The following THAP4 variants were observed in gnomAD, a reference collection of about 807,000 sequenced individuals.
THAP4 encodes the protein peroxynitrite isomerase THAP4.
Under a neutral mutation model 48.1 loss-of-function variants are expected in THAP4, and 18 were observed. That is an observed-to-expected ratio of 0.37 (90% CI 0.26 to 0.56). THAP4 has a LOEUF of 0.56. Ranked by LOEUF, THAP4 falls within the 20% of genes least tolerant of loss-of-function variation. The pLI is 0.78. For synonymous variants in THAP4, 345 were observed against 324.9 expected, an observed-to-expected ratio of 1.06 and a Z score of -0.66; for missense variants, 656 against 774.9, an observed-to-expected ratio of 0.85 and a Z score of 1.82.
chr2:241,596,973 T>C (rs929891263), intron 5 of THAP4, among the ~76,000 whole-genome samples: 2 of 152,228 alleles, frequency 1.3e-5, no homozygotes, highest in Non-Finnish European at 2.9e-5. Context: ...ACAGTACAGT[T>C]AGGCTGCATT....
chr2:241,634,363 A>G (rs146765290), intron 1 of THAP4, among the ~76,000 whole-genome samples: 60 of 152,320 alleles, frequency 3.9e-4, no homozygotes, highest in African/African-American at 1.2e-3. Context: ...TAAATGCCCA[A>G]TGGGGACACA....
At chr2:241,608,986 G>A (rs2067226353) in intron 2 of THAP4, among the ~76,000 whole-genome samples, 1 of 152,218 alleles carries the variant, frequency 6.6e-6, no homozygotes. Flanking sequence ...GGCCAGTGTG[G>A]CCAGGGGAAG....
chr2:241,600,509 C>T (rs1445765207), intron 5 of THAP4, among the ~76,000 whole-genome samples: 1 of 152,086 alleles, frequency 6.6e-6, no homozygotes, highest in Non-Finnish European at 1.5e-5. Context: ...AGGTGGATCA[C>T]AAGGTCAGGA....
At chr2:241,590,414 C>T (rs113223387) in intron 5 of THAP4, among the ~76,000 whole-genome samples, 1 of 7,266 alleles carries the variant, frequency 1.4e-4, no homozygotes, top group Non-Finnish European at 3.5e-4. Flanking sequence ...AGCTGCTCGG[C>T]TGATGATAAT....
At chr2:241,586,813 A>G (rs1025953601) in intron 5 of THAP4, among the ~76,000 whole-genome samples, 3 of 152,264 alleles carry the variant, frequency 2.0e-5, no homozygotes, top group Non-Finnish European at 4.4e-5. Flanking sequence ...AAGCTTAGAG[A>G]ATAATGGAAA....
rs1199731096 is a variant in THAP4 at position 241,632,994 on chromosome 2, C to T, written c.1163G>A (p.Arg388Gln). 9.9e-6 allele frequency: 16 copies of T among 1,613,528 alleles called. No homozygotes were observed. The highest frequency in any genetic ancestry group is 1.4e-5 in the Non-Finnish European group (16 of 1,179,908). Residue 388 changes from arginine (R) to glutamine (Q), a missense_variant, in exon 2 of 6, where the codon CGG becomes CAG. Coordinates refer to ENST00000407315, the MANE Select transcript of THAP4 (RefSeq NM_015963.6). ...CTCATCCAGCTTCTCCTGTAGCTTC[C>T]GCACCTGGCTGTCGGAGCGGCTGAC... ...QRVSRSDSQV[R>Q]KLQEKLDELR...
At chr2:241,590,007 G>A (rs1012637151) in intron 5 of THAP4, among the ~76,000 whole-genome samples, 1 of 151,842 alleles carries the variant, frequency 6.6e-6, no homozygotes, top group Non-Finnish European at 1.5e-5. Context: ...TGGGCACTAG[G>A]ACACTCAGAG....
intron 3 of THAP4, among the ~76,000 whole-genome samples, chr2:241,603,779 T>C (rs752944541): frequency 1.1e-4 from 17 of 152,194 alleles, no homozygotes; most frequent in Non-Finnish European, 2.1e-4. Context: ...TGGTTTCTTA[T>C]CACCCTTCAT....
intron 2 of THAP4, among the ~76,000 whole-genome samples, chr2:241,609,868 G>T (rs968845947): frequency 2.6e-5 from 4 of 152,204 alleles, no homozygotes; most frequent in African/African-American, 9.6e-5. Context: ...ACCCCACAGC[G>T]ACTGCCACGG....
chr2:241,631,809 G>A (rs148523822), intron 2 of THAP4, among the ~76,000 whole-genome samples: 2 of 152,064 alleles, frequency 1.3e-5, no homozygotes, highest in African/African-American at 4.8e-5. Flanking sequence ...AACTTGGGAG[G>A]TGGATGACAA....
At chr2:241,590,418 T>C (rs62192977) in intron 5 of THAP4, among the ~76,000 whole-genome samples, 127 of 50,850 alleles carry the variant, frequency 2.5e-3, no homozygotes, top group East Asian at 0.012. Flanking sequence ...GCTCGGCTGA[T>C]GATAATGGGC....
At chr2:241,625,693 G>A (rs2067487411) in intron 2 of THAP4, among the ~76,000 whole-genome samples, 2 of 149,898 alleles carry the variant, frequency 1.3e-5, no homozygotes, top group South Asian at 4.2e-4. Flanking sequence ...AGCTACTAGG[G>A]AGGCTGAGGC....
intron 2 of THAP4, among the ~76,000 whole-genome samples, chr2:241,625,713 G>T (rs576182922): frequency 1.7e-4 from 24 of 137,484 alleles, no homozygotes; most frequent in African/African-American, 6.5e-4. Flanking sequence ...CAGGAGAATT[G>T]CTTGAACCCG....
rs144298017 is a variant in THAP4 at position 241,587,109 on chromosome 2, G to A, written c.1615-2384C>T. ...TAGGTGTCAAAGGTCAAAGGTGACC[G>A]ATTAAGGAACACCTAGAAACCCGGT... On this transcript the variant is annotated intron_variant, in intron 5 of 5. Coordinates refer to ENST00000407315, the MANE Select transcript of THAP4 (RefSeq NM_015963.6). Among the ~76,000 whole-genome samples, 154 of 152,282 alleles carry A rather than the reference G, an allele frequency of 1.0e-3. No homozygotes were observed. In the Middle Eastern group the frequency reaches 0.017, roughly 17 times the overall value.
intron 3 of THAP4, among the ~76,000 whole-genome samples, chr2:241,604,138 G>A (rs969371257): frequency 6.6e-6 from 1 of 152,038 alleles, no homozygotes; most frequent in African/African-American, 2.4e-5. Flanking sequence ...GCTCGTCGCG[G>A]TCTCAGCTCA....
chr2:241,602,900 G>T, intron 4 of THAP4, 70 bp downstream of exon 4: 1 of 1,209,738 alleles, frequency 8.3e-7, no homozygotes, highest in Non-Finnish European at 1.2e-6. Context: ...GGGCATCCCT[G>T]CACCCCTGCT....
In THAP4 at chr2:241,615,091, C is replaced by T. The variant is rs189660681; in HGVS notation, c.1241-8618G>A. Among the ~76,000 whole-genome samples, 198 of 151,972 alleles carry T rather than the reference C, an allele frequency of 1.3e-3. 1 individual carries two copies. The highest frequency in any genetic ancestry group is 4.5e-3 in the African/African-American group (185 of 41,420). ...TCAGGTGTCCCTTGAAAACACTGCG[C>T]GAAAAGAAAGAAGCCAGACAAAAAC... is the stretch of plus-strand genomic sequence containing the variant. On this transcript the variant is annotated intron_variant, in intron 2 of 5. Coordinates refer to ENST00000407315, the MANE Select transcript of THAP4 (RefSeq NM_015963.6).
chr2:241,631,994 G>A (rs977683802), intron 2 of THAP4, among the ~76,000 whole-genome samples: 35 of 150,130 alleles, frequency 2.3e-4, no homozygotes, highest in African/African-American at 8.6e-4. Context: ...TGCAACCTCC[G>A]CCTCCCAGGT....
chr2:241,609,891 C>T (rs908474769), intron 2 of THAP4, among the ~76,000 whole-genome samples: 15 of 152,258 alleles, frequency 9.9e-5, no homozygotes, highest in Admixed American at 9.8e-4. Flanking sequence ...CTCTGGCTCT[C>T]CTGGGACCGG....
Sources: allele counts gnomAD v4.1 joint callset (sites outside exome capture counted in the v4.1 genomes callset), GRCh38; gene constraint gnomAD v4.1.1; transcripts MANE v1.5; gene names NCBI Gene and HGNC (gene_info 2026-07-23, HGNC 2026-07-21).